The following N4BP2L2 variants were observed in gnomAD, a reference collection of about 807,000 sequenced individuals.
N4BP2L2 encodes the protein NEDD4 binding protein 2 like 2.
A neutral mutation model predicts 56.2 loss-of-function variants in N4BP2L2; 50 were observed. The ratio of observed to expected loss-of-function variants is 0.89; its 90% CI spans 0.71 to 1.13. The LOEUF (loss-of-function observed/expected upper bound fraction) is 1.13, where lower values mean the gene tolerates loss of function less well. Ranked by LOEUF, N4BP2L2 falls within the 50% of genes most tolerant of loss-of-function variation. The pLI is 0.00. For synonymous variants in N4BP2L2, 203 were observed against 223.6 expected, an observed-to-expected ratio of 0.91 and a Z score of 0.82; for missense variants, 689 against 693.8, an observed-to-expected ratio of 0.99 and a Z score of 0.08.
chr13:32,462,588 T>C (rs2080333439), intron 6 of N4BP2L2, among the ~76,000 whole-genome samples: 1 of 152,118 alleles, frequency 6.6e-6, no homozygotes, highest in Non-Finnish European at 1.5e-5. Context: ...AACGTATTTA[T>C]ATTTCCGAAT....
chr13:32,438,529 G>C lies in N4BP2L2; in HGVS notation c.2190+123C>G, dbSNP rs1189508988. The C allele has an allele frequency of 1.5e-5, 10 of 659,904 alleles. No individual in the cohort carries two copies. The East Asian group carries it at 3.0e-4, about 20-fold the overall frequency. 40.9% of individuals were successfully genotyped at this position (659,904 alleles called of 1,614,324 possible). ...CAGGAGAATTACTTGAACCCAGGAG[G>C]TGGAGGTTGTGGTGAGCCAAGATCA... On this transcript the variant is annotated intron_variant, in intron 8 of 9. Transcript: ENST00000357505.
intron 6 of N4BP2L2, among the ~76,000 whole-genome samples, chr13:32,464,053 C>T (rs1461984395): frequency 6.6e-6 from 1 of 151,270 alleles, no homozygotes; most frequent in Non-Finnish European, 1.5e-5. Flanking sequence ...AAGGAAACTA[C>T]ATAGGTAAAT....
intron 8 of N4BP2L2, chr13:32,438,580 C>G: frequency 7.9e-7 from 1 of 1,265,822 alleles, no homozygotes; most frequent in South Asian, 1.4e-5. Flanking sequence ...GCCTGGGCAA[C>G]AAGAATGAAA....
chr13:32,502,030 T>C (rs1009306764), intron 6 of N4BP2L2, among the ~76,000 whole-genome samples: 5 of 150,396 alleles, frequency 3.3e-5, no homozygotes, highest in African/African-American at 4.9e-5. Context: ...ATGAAAAAAA[T>C]CAAACTTTAT....
At chr13:32,485,797 G>C (rs535733538) in intron 6 of N4BP2L2, among the ~76,000 whole-genome samples, 44 of 152,320 alleles carry the variant, frequency 2.9e-4, no homozygotes, top group Non-Finnish European at 6.0e-4. Context: ...AGCTGGGCAT[G>C]GTGGCTGACA....
At chr13:32,453,467 A>G (rs2078452432) in intron 6 of N4BP2L2, among the ~76,000 whole-genome samples, 1 of 152,050 alleles carries the variant, frequency 6.6e-6, no homozygotes, top group Admixed American at 6.6e-5. Flanking sequence ...TCAGTAAGAA[A>G]TCTTTGTTAG....
At chr13:32,484,594 C>A (rs552642181) in intron 6 of N4BP2L2, among the ~76,000 whole-genome samples, 162 of 152,214 alleles carry the variant, frequency 1.1e-3, no homozygotes, top group Non-Finnish European at 2.0e-3. Context: ...AAGGATCCTC[C>A]TGCCTCAGCC....
At chr13:32,452,313 G>A (rs529682703) in intron 6 of N4BP2L2, among the ~76,000 whole-genome samples, 14 of 152,056 alleles carry the variant, frequency 9.2e-5, no homozygotes, top group South Asian at 8.3e-4. Flanking sequence ...CGCCTGCCTC[G>A]GCCTCCCAAA....
chr13:32,522,216 A>G (rs545658396), exon 4 of N4BP2L2: 14 of 1,573,918 alleles, frequency 8.9e-6, no homozygotes, highest in Non-Finnish European at 1.2e-5. Context: ...CCAAGCTTGT[A>G]TATTAGTGTT....
At chr13:32,534,722 G>C (rs560709571) in intron 2 of N4BP2L2, among the ~76,000 whole-genome samples, 2 of 152,246 alleles carry the variant, frequency 1.3e-5, no homozygotes, top group East Asian at 1.9e-4. Flanking sequence ...TTTAGGTTTA[G>C]ATTGTCTTGT....
chr13:32,469,239 G>A (rs767657317), intron 6 of N4BP2L2, among the ~76,000 whole-genome samples: 54 of 152,136 alleles, frequency 3.5e-4, no homozygotes, highest in Admixed American at 1.3e-3. Context: ...CTCCCAGGTC[G>A]GCAATGTGGC....
At chr13:32,528,532 A>C (rs2140196248) in intron 2 of N4BP2L2, among the ~76,000 whole-genome samples, 1 of 152,360 alleles carries the variant, frequency 6.6e-6, no homozygotes, top group East Asian at 1.9e-4. Flanking sequence ...AAGTACTCAG[A>C]ACTCTCATTA....
chr13:32,432,952 CA>C (rs1305393551), exon 10 of N4BP2L2: 1 of 152,220 alleles, frequency 6.6e-6, no homozygotes. Flanking sequence ...TCAGCAGTAC[CA>C]TGAAGACAGC....
intron 6 of N4BP2L2, among the ~76,000 whole-genome samples, chr13:32,453,919 A>C (rs2078534401): frequency 6.6e-6 from 1 of 152,218 alleles, no homozygotes; most frequent in Non-Finnish European, 1.5e-5. Context: ...ATTTAAAGGC[A>C]AATGAATTAG....
At chr13:32,518,833 A>G (rs1288361749) in intron 5 of N4BP2L2, among the ~76,000 whole-genome samples, 4 of 152,134 alleles carry the variant, frequency 2.6e-5, no homozygotes, top group Admixed American at 2.0e-4. Flanking sequence ...TTATATATTT[A>G]TATTTATGTA....
At chr13:32,453,203 C>A (rs762855986) in intron 6 of N4BP2L2, among the ~76,000 whole-genome samples, 53 of 152,182 alleles carry the variant, frequency 3.5e-4, no homozygotes, top group Non-Finnish European at 6.5e-4. Context: ...TTGCAGTAAG[C>A]CCAGATCTCG....
At chr13:32,521,600 T>TA (rs2050931880) in intron 4 of N4BP2L2, 151 bp from the exon 5 acceptor site, 1 of 542,712 alleles carries the variant, frequency 1.8e-6, no homozygotes, top group African/African-American at 2.0e-5. Context: ...TTATAACAGT[T>TA]AAGACTATTT....
intron 2 of N4BP2L2, among the ~76,000 whole-genome samples, chr13:32,528,104 C>A (rs2053609116): frequency 6.6e-6 from 1 of 152,142 alleles, no homozygotes; most frequent in Non-Finnish European, 1.5e-5. Flanking sequence ...ATTTGTATTG[C>A]AACTTTTTAA....
chr13:32,448,342 G>A (rs2077348194), intron 6 of N4BP2L2, among the ~76,000 whole-genome samples: 1 of 152,048 alleles, frequency 6.6e-6, no homozygotes, highest in African/African-American at 2.4e-5. Context: ...TCTCACTGGT[G>A]CTGATTCATT....
Sources: allele counts gnomAD v4.1 joint callset (sites outside exome capture counted in the v4.1 genomes callset), GRCh38; gene constraint gnomAD v4.1.1; transcripts MANE v1.5; gene names NCBI Gene and HGNC (gene_info 2026-07-23, HGNC 2026-07-21).